Variants in STK3 observed in about 807,000 individuals in gnomAD.
STK3 encodes serine/threonine-protein kinase 3.
A neutral mutation model predicts 58.0 loss-of-function variants in STK3; 41 were observed. That is an observed-to-expected ratio of 0.71 (90% CI 0.55 to 0.92). STK3 has a LOEUF of 0.92. Ranked by LOEUF, STK3 falls within the 40% of genes least tolerant of loss-of-function variation. The probability of loss-of-function intolerance (pLI) is 0.00; values close to 1 mark genes in which losing one functional copy is unlikely to be tolerated. For missense variants in STK3, 479 were observed against 602.7 expected (o/e 0.79, Z 2.15); for synonymous variants, 170 against 191.0 (o/e 0.89, Z 0.91).
downstream of STK3, among the ~76,000 whole-genome samples, chr8:98,454,223 C>T (rs187055307): frequency 1.0e-3 from 154 of 152,244 alleles, 1 homozygote; most frequent in Non-Finnish European, 1.9e-3. Flanking sequence ...CTGTTCTCTC[C>T]CCTCCAGCTA....
At chr8:98,904,943 T>C (rs1178719671) in intron 1 of STK3, 2 of 710,842 alleles carry the variant, frequency 2.8e-6, no homozygotes, top group Non-Finnish European at 5.3e-6. Flanking sequence ...CCTAGTTACA[T>C]GCAGAAGCTG....
chr8:98,369,709 G>C (rs1817593192), downstream of STK3, among the ~76,000 whole-genome samples: 3 of 152,340 alleles, frequency 2.0e-5, no homozygotes, highest in South Asian at 4.1e-4. Context: ...GATAAAACAA[G>C]AGGCTCTGTT....
At chr8:98,406,282 TTTATTTTATG>T (rs1351890394) in intron 3 of STK3, among the ~76,000 whole-genome samples, 3 of 141,880 alleles carry the variant, frequency 2.1e-5, no homozygotes, top group African/African-American at 8.3e-5. Flanking sequence ...TTTATTTTAT[TTTATTTTATG>T]TTATTTATTT....
Position 98,621,627 on chromosome 8 carries a change from CA to C in STK3, c.685-25459del, listed in dbSNP as rs151145977. Among the ~76,000 whole-genome samples the C allele has an allele frequency of 3.1e-3, 476 of 152,142 alleles. 4 individuals are homozygous for C. Among genetic ancestry groups the C allele is most frequent in the African/African-American group, 0.011 (438 of 41,490 alleles). On this transcript the variant is annotated intron_variant, in intron 6 of 10. Transcript: ENST00000419617. ...ACCGTAAATGGGTGCTGAATTGCAT[CA>C]AATTTTTTTTTCTACATTATGTGAC...
intron 6 of STK3, among the ~76,000 whole-genome samples, chr8:98,628,955 TA>T (rs1248509505): frequency 6.6e-6 from 1 of 152,000 alleles, no homozygotes; most frequent in Non-Finnish European, 1.5e-5. Flanking sequence ...ATTGTCTATA[TA>T]GGGGGATGTT....
chr8:98,505,313 G>A (rs926801777), intron 10 of STK3, among the ~76,000 whole-genome samples: 4 of 152,088 alleles, frequency 2.6e-5, no homozygotes, highest in African/African-American at 9.7e-5. Flanking sequence ...AACGCTTTTA[G>A]CTTCCTTGCA....
chr8:98,802,784 G>A lies in STK3; in HGVS notation c.26+22731C>T, dbSNP rs376109781. ...AGTAGCCACTAAAAATCATGTTGCA[G>A]AAAACTCATTGATATAAAAAGAATT... is the stretch of plus-strand genomic sequence containing the variant. On this transcript the variant is annotated intron_variant, in intron 1 of 10. Coordinates refer to ENST00000419617, the MANE Select transcript of STK3 (RefSeq NM_006281.4). Among the ~76,000 whole-genome samples, 9 of 152,226 alleles carry A rather than the reference G, an allele frequency of 5.9e-5. No individual in the cohort carries two copies. In the South Asian group the frequency reaches 1.9e-3, roughly 32 times the overall value.
intron 1 of STK3, among the ~76,000 whole-genome samples, chr8:98,917,157 G>T (rs1839375133): frequency 6.6e-6 from 1 of 152,202 alleles, no homozygotes; most frequent in Non-Finnish European, 1.5e-5. Flanking sequence ...TCATGGTAAG[G>T]ATTATTCCAG....
intron 3 of STK3, among the ~76,000 whole-genome samples, chr8:98,844,766 A>G (rs1836137101): frequency 6.6e-6 from 1 of 152,158 alleles, no homozygotes; most frequent in Non-Finnish European, 1.5e-5. Flanking sequence ...TGCCCGGCCC[A>G]AACACAGTCT....
chr8:98,911,439 G>A (rs1050016130), intron 1 of STK3, among the ~76,000 whole-genome samples: 1 of 151,836 alleles, frequency 6.6e-6, no homozygotes, highest in South Asian at 2.1e-4. Context: ...TGTTACCCAG[G>A]CTATAGTGCA....
chr8:98,834,319 G>A (rs1180222573), intron 3 of STK3, among the ~76,000 whole-genome samples: 1 of 152,090 alleles, frequency 6.6e-6, no homozygotes, highest in Non-Finnish European at 1.5e-5. Context: ...TGTGCTCCCA[G>A]GCTGCAATCT....
chr8:98,593,687 G>A (rs1323106348), intron 7 of STK3, among the ~76,000 whole-genome samples: 1 of 152,166 alleles, frequency 6.6e-6, no homozygotes, highest in Non-Finnish European at 1.5e-5. Context: ...AGGCAGGACA[G>A]TTTAATCCTG....
downstream of STK3, among the ~76,000 whole-genome samples, chr8:98,451,383 A>G (rs1436281508): frequency 6.6e-6 from 1 of 152,216 alleles, no homozygotes; most frequent in African/African-American, 2.4e-5. Flanking sequence ...GGGCTCAAAT[A>G]AAACAATAAT....
intron 1 of STK3, among the ~76,000 whole-genome samples, chr8:98,918,120 T>C (rs1233116560): frequency 6.6e-6 from 1 of 152,226 alleles, no homozygotes; most frequent in Non-Finnish European, 1.5e-5. Context: ...TCAATCAATG[T>C]TTGTTCCCTC....
At chr8:98,767,893 A>C (rs1374046929) in intron 2 of STK3, among the ~76,000 whole-genome samples, 1 of 152,210 alleles carries the variant, frequency 6.6e-6, no homozygotes, top group Non-Finnish European at 1.5e-5. Flanking sequence ...TACAGATCCA[A>C]GGTCTCTTTT....
At chr8:98,840,620 T>C (rs1233035134) in intron 3 of STK3, among the ~76,000 whole-genome samples, 1 of 126,210 alleles carries the variant, frequency 7.9e-6, no homozygotes, top group East Asian at 2.2e-4. Context: ...TATATATATA[T>C]ATATATATAC....
chr8:98,731,458 G>A (rs1828196972), intron 4 of STK3, among the ~76,000 whole-genome samples: 1 of 152,098 alleles, frequency 6.6e-6, no homozygotes, highest in Admixed American at 6.5e-5. Flanking sequence ...AGTGGCTCAC[G>A]CCTGCAATCC....
intron 6 of STK3, among the ~76,000 whole-genome samples, chr8:98,632,919 C>A (rs1563828403): frequency 6.6e-6 from 1 of 151,800 alleles, no homozygotes; most frequent in Non-Finnish European, 1.5e-5. Context: ...TTAAAAAATG[C>A]AAATGAAAAT....
At chr8:98,933,632 T>C (rs563803679) in intron 1 of STK3, among the ~76,000 whole-genome samples, 1 of 152,280 alleles carries the variant, frequency 6.6e-6, no homozygotes, top group African/African-American at 2.4e-5. Context: ...TATAAGTATG[T>C]CTTCAGTGTC....
Sources: gnomAD v4.1 joint callset for allele counts (sites outside exome capture counted in the v4.1 genomes callset) on GRCh38, gnomAD v4.1.1 for gene constraint, MANE v1.5 for transcripts, NCBI Gene and HGNC (gene_info 2026-07-23, HGNC 2026-07-21) for gene names.